Variants in DCST2 observed in about 807,000 individuals in gnomAD.
DCST2 encodes DC-STAMP domain containing 2.
DCST2 carries 64 observed loss-of-function variants against 81.8 expected under a neutral mutation model. The observed-to-expected ratio is 0.78, with a 90% CI of 0.64 to 0.96. The LOEUF (loss-of-function observed/expected upper bound fraction) is 0.96. Among genes scored for constraint, DCST2 ranks in the 40% least tolerant of loss-of-function variants. DCST2 has a pLI of 0.00. For synonymous variants in DCST2, 354 were observed against 402.6 expected (o/e 0.88, Z 1.44); for missense variants, 945 against 1,001.4 (o/e 0.94, Z 0.76).
Position 155,018,721 on chromosome 1 carries a change from G to C in DCST2, c.2145C>G (p.His715Gln), listed in dbSNP as rs770679392. 1.2e-6 allele frequency: 2 copies of C among 1,613,754 alleles called. No individual in the cohort carries two copies. The highest frequency in any genetic ancestry group is 1.7e-6 in the Non-Finnish European group (2 of 1,179,944). The part of the protein sequence containing the change: ...DEEKGPQQRK[H>Q]GQQPLPEAHQ... Reference sequence around the variant, plus strand: ...GGGCTTCAGGTAAGGGCTGCTGCCCGTGCTTCCTCTGCTGAGGCCCCTTCT... The same window carrying C: ...GGGCTTCAGGTAAGGGCTGCTGCCCCTGCTTCCTCTGCTGAGGCCCCTTCT... The change falls in exon 15 of 15, where the codon CAC becomes CAG. Residue 715 changes from histidine (H) to glutamine (Q), a missense_variant. Coordinates refer to ENST00000368424, the MANE Select transcript of DCST2 (RefSeq NM_144622.3).
In DCST2 at chr1:155,030,487, C is replaced by T. The variant is rs1453311233; in HGVS notation, c.964G>A (p.Ala322Thr). 1 of 1,614,080 alleles carries T rather than the reference C, an allele frequency of 6.2e-7. No homozygotes were observed. The highest frequency in any genetic ancestry group is 8.5e-7 in the Non-Finnish European group (1 of 1,180,024). ...GTGGTGAAGCCCATCAGAGCCAGGG[C>T]CTCTCGGACACGGTGCAGCTTCATG... ...VSMKLHRVREALALMGFTTPL... is the reference protein window; with the variant it reads ...VSMKLHRVRETLALMGFTTPL... Residue 322 changes from alanine (A) to threonine (T), a missense_variant, in exon 6 of 15, where the codon GCC becomes ACC. Physicochemically the swap from Ala to Thr is moderately conservative, Grantham distance 58. Transcript: ENST00000368424.
intron 14 of DCST2, among the ~76,000 whole-genome samples, chr1:155,021,442 C>A (rs1034780842): frequency 1.3e-5 from 2 of 151,604 alleles, no homozygotes; most frequent in Non-Finnish European, 2.9e-5. Context: ...CATCCCCCTA[C>A]TTGATTTCAT....
rs1376498595 is a variant in DCST2 at position 155,031,631 on chromosome 1, A to G, written c.682T>C (p.Tyr228His). ...GGCATGAGCACGTAACACAGGTGGT[A>G]GGCTTGTGGTATGACCATCATGCAG... ...DSCMMVIPQA[Y>H]HLCYVLMPFK... Residue 228 changes from tyrosine (Y) to histidine (H), a missense_variant, in exon 4 of 15, where the codon TAC (tyrosine) becomes CAC (histidine). Transcript: ENST00000368424. The G allele has an allele frequency of 1.9e-6, 3 of 1,611,140 alleles. No individual in the cohort carries two copies. The highest frequency in any genetic ancestry group is 2.5e-6 in the Non-Finnish European group (3 of 1,178,740).
chr1:155,031,376 T>G (rs1318558686), intron 4 of DCST2, 142 bp from the exon 5 acceptor site: 9 of 1,053,252 alleles, frequency 8.5e-6, no homozygotes, highest in Non-Finnish European at 1.2e-5. Context: ...AGCACCTCCC[T>G]GTCGCCCTTC....
At chr1:155,031,538 C>G in intron 4 of DCST2, 36 bp downstream of exon 4, 1 of 645,070 alleles carries the variant, frequency 1.6e-6, no homozygotes. Flanking sequence ...CACCCCACAT[C>G]GGCTCCTCCC....
chr1:155,025,927 A>G (rs1407768837), intron 10 of DCST2, among the ~76,000 whole-genome samples: 1 of 150,328 alleles, frequency 6.7e-6, no homozygotes, highest in Non-Finnish European at 1.5e-5. Flanking sequence ...GAAAGGGTCT[A>G]TAACTCCTTG....
In DCST2 at chr1:155,032,768, C is replaced by T. The variant is rs1660136316; in HGVS notation, c.440G>A (p.Ser147Asn). ...AATAGCTTTAATCTTGTTCAGGGCA[C>T]CTGATGGGTGAGGGACAGAGGCACT... ...VLQRAKQPLV[S>N]ALNKIKAIAR... Residue 147 changes from serine to asparagine, a missense_variant and splice_region_variant, in exon 3 of 15, where the codon AGT becomes AAT. Coordinates refer to ENST00000368424, the MANE Select transcript of DCST2 (RefSeq NM_144622.3). The T allele has an allele frequency of 7.4e-6, 12 of 1,613,898 alleles. No homozygotes were observed. In the Admixed American group the frequency reaches 1.8e-4, roughly 25 times the overall value.
chr1:155,031,036 T>A (rs973621615), intron 5 of DCST2, 133 bp downstream of exon 5: 7 of 960,808 alleles, frequency 7.3e-6, no homozygotes, highest in Non-Finnish European at 1.1e-5. Context: ...GCCTGGGTGA[T>A]CACTTGAGCC....
At chr1:155,020,841 G>T (rs1232351969) in intron 14 of DCST2, among the ~76,000 whole-genome samples, 1 of 149,634 alleles carries the variant, frequency 6.7e-6, no homozygotes, top group Non-Finnish European at 1.5e-5. Context: ...CTAATTTTTT[G>T]AGACTGGGTC....
intron 11 of DCST2, 123 bp downstream of exon 11, chr1:155,024,349 T>C (rs1659839943): frequency 7.5e-7 from 1 of 1,335,528 alleles, no homozygotes; most frequent in Non-Finnish European, 1.0e-6. Context: ...GTTAAGGGTA[T>C]GCAATGGGCA....
chr1:155,024,524 G>A lies in DCST2; in HGVS notation c.1690C>T (p.Arg564Trp), dbSNP rs757889228. 18 of 1,609,380 alleles carry A rather than the reference G, an allele frequency of 1.1e-5. No individual in the cohort carries two copies. The East Asian group carries it at 1.3e-4, about 12-fold the overall frequency. The change falls in exon 11 of 15, where the codon CGG (arginine) becomes TGG (tryptophan). Residue 564 changes from arginine to tryptophan, a missense_variant. Physicochemically the swap from Arg to Trp is moderately radical, Grantham distance 101. Coordinates refer to ENST00000368424, the MANE Select transcript of DCST2 (RefSeq NM_144622.3). ...CTGTGGCCCTGGTCAGCCGCCCGCC[G>A]CCTCACTGATCGGTGCAGGGCAGCC... is the stretch of plus-strand genomic sequence containing the variant. ...LLAALHRSVR[R>W]RAADQGHRSA...
At chr1:155,025,845 C>T (rs1222430285) in intron 10 of DCST2, among the ~76,000 whole-genome samples, 1 of 152,036 alleles carries the variant, frequency 6.6e-6, no homozygotes, top group Admixed American at 6.6e-5. Context: ...ACCACCATGC[C>T]TGGCGTTTTA....
At chr1:155,020,433 G>A (rs1293714486) in intron 14 of DCST2, among the ~76,000 whole-genome samples, 8 of 151,350 alleles carry the variant, frequency 5.3e-5, no homozygotes, top group Admixed American at 2.0e-4. Context: ...GCAGTGGCAC[G>A]ATCTCGGCTC....
At position 155,031,676 on chromosome 1, in the gene DCST2, A is replaced by G; in HGVS notation, c.637T>C (p.Phe213Leu). 6.2e-7 allele frequency: 1 copy of G among 1,614,108 alleles called. No individual in the cohort carries two copies. Among genetic ancestry groups the G allele is most frequent in the Non-Finnish European group, 8.5e-7 (1 of 1,180,026 alleles). Residue 213 changes from phenylalanine (F) to leucine (L), a missense_variant, in exon 4 of 15, where the codon TTC becomes CTC. Phe to Leu is a conservative substitution (Grantham distance 22). Coordinates refer to ENST00000368424, the MANE Select transcript of DCST2 (RefSeq NM_144622.3). ...ATGCAGCTGTCCTTGGCATCATCGA[A>G]AACCCGTGCACACTTCAGGTAAGGG... The part of the protein sequence containing the change: ...GNPYLKCARV[F>L]DDAKDSCMMV...
At chr1:155,029,601 G>T (rs1338630438) in intron 7 of DCST2, among the ~76,000 whole-genome samples, 4 of 152,134 alleles carry the variant, frequency 2.6e-5, no homozygotes, top group African/African-American at 9.7e-5. Flanking sequence ...GAAGGGAGGG[G>T]CCTGCCTAGC....
intron 11 of DCST2, 93 bp from the exon 12 acceptor site, chr1:155,024,052 C>T: frequency 2.0e-6 from 3 of 1,489,092 alleles, no homozygotes; most frequent in Non-Finnish European, 2.7e-6. Flanking sequence ...GGGAGGACTT[C>T]CTGACTTCCT....
In DCST2 at chr1:155,033,061, C is replaced by T. The variant is rs1006699118; in HGVS notation, c.439+33G>A. On this transcript the variant is annotated intron_variant, in intron 2 of 14. Coordinates refer to ENST00000368424, the MANE Select transcript of DCST2 (RefSeq NM_144622.3). ...CAGGATGAGGGGGGCGAGGGGGGCC[C>T]GTGGGAGACAGTGGTAGAGGTGGGG... 9 of 1,509,982 alleles carry T rather than the reference C, an allele frequency of 6.0e-6. No individual in the cohort carries two copies. In the South Asian group the frequency reaches 6.5e-5, roughly 11 times the overall value. The allele number at this position is 1,509,982 out of a possible 1,614,324, so 93.5% of individuals were successfully genotyped here. A position where few individuals can be genotyped will look rare whatever the true frequency, so the allele number is the denominator to read the frequency against.
Position 155,033,620 on chromosome 1 carries a change from C to G in DCST2, c.82G>C (p.Gly28Arg). The G allele has an allele frequency of 1.2e-6, 2 of 1,614,206 alleles. No individual in the cohort carries two copies. The highest frequency in any genetic ancestry group is 1.7e-6 in the Non-Finnish European group (2 of 1,180,026). The change falls in exon 1 of 15, where the codon GGA (glycine) becomes CGA (arginine). Residue 28 changes from glycine to arginine, a missense_variant. Coordinates refer to ENST00000368424, the MANE Select transcript of DCST2 (RefSeq NM_144622.3). Reference protein sequence around the residue: ...SMARAVVRSVGGFTLGLSLAT... With the variant: ...SMARAVVRSVRGFTLGLSLAT... ...AAAGACAAGCCCAGGGTAAAACCTC[C>G]CACGCTGCGAACCACAGCTCTCGCC...
rs201423942 is a variant in DCST2, at chr1:155,026,598, C to G, written c.1460G>C (p.Arg487Pro). 2 of 1,614,180 alleles carry G rather than the reference C, an allele frequency of 1.2e-6. No individual in the cohort carries two copies. The highest frequency in any genetic ancestry group is 2.2e-5 in the South Asian group (2 of 91,086). ...QQGNISILSR[R>P]CLLRPSEPDS... is the part of the protein sequence containing the mutation. ...AGGCTCCGAGGGACGAAGGAGACAA[C>G]GCCGGGACAAAATACTGATGTTGCC... is the stretch of plus-strand genomic sequence containing the variant. Residue 487 changes from arginine to proline, a missense_variant, in exon 9 of 15, where the codon CGT becomes CCT. Transcript: ENST00000368424.
Sources: allele counts gnomAD v4.1 joint callset (sites outside exome capture counted in the v4.1 genomes callset), GRCh38; gene constraint gnomAD v4.1.1; transcripts MANE v1.5; gene names NCBI Gene and HGNC (gene_info 2026-07-23, HGNC 2026-07-21).